Variants in GRIN3A observed in about 807,000 individuals in gnomAD.
GRIN3A encodes the protein glutamate ionotropic receptor NMDA type subunit 3A, also known as glutamate receptor ionotropic, NMDA 3A.
A neutral mutation model predicts 92.4 loss-of-function variants in GRIN3A; 47 were observed. That is an observed-to-expected ratio of 0.51 (90% CI 0.40 to 0.65). The LOEUF is 0.65. Among genes scored for constraint, GRIN3A ranks in the 30% least tolerant of loss-of-function variants. The pLI, the probability that GRIN3A is intolerant of heterozygous loss-of-function variation, is 0.00. For synonymous variants in GRIN3A, 527 were observed against 540.6 expected (o/e 0.97, Z 0.35); for missense variants, 1,324 against 1,393.1 (o/e 0.95, Z 0.79).
In GRIN3A at chr9:101,571,202, G is replaced by A. The variant is rs1354041098; in HGVS notation, c.*1972C>T. 6.6e-6 allele frequency: 1 copy of A among 152,140 alleles called. No homozygotes were observed. Among genetic ancestry groups the A allele is most frequent in the African/African-American group, 2.4e-5 (1 of 41,424 alleles). 9.4% of individuals were successfully genotyped at this position (152,140 alleles called of 1,614,324 possible). A position where few individuals can be genotyped will look rare whatever the true frequency, so the allele number is the denominator to read the frequency against. On this transcript the variant is annotated 3_prime_UTR_variant, in exon 9 of 9. Transcript: ENST00000361820. ...TCACCTGTTTCCTCATTATTGAACT[G>A]TTTCATCTGTGGAGTTGGTGACCTC...
intron 6 of GRIN3A, chr9:101,595,021 T>A: frequency 1.6e-6 from 2 of 1,215,580 alleles, no homozygotes; most frequent in Non-Finnish European, 2.1e-6. Context: ...GGCCATGGGG[T>A]GGGGGTAGAG....
intron 2 of GRIN3A, among the ~76,000 whole-genome samples, chr9:101,675,233 A>T (rs191391104): frequency 1.3e-5 from 2 of 151,948 alleles, no homozygotes; most frequent in South Asian, 4.1e-4. Context: ...TTACTAATGA[A>T]TTTTTCTTTA....
Sources: gnomAD v4.1 joint callset for allele counts (sites outside exome capture counted in the v4.1 genomes callset) on GRCh38, gnomAD v4.1.1 for gene constraint, MANE v1.5 for transcripts, NCBI Gene and HGNC (gene_info 2026-07-23, HGNC 2026-07-21) for gene names.